The following CADM2 variants were observed in gnomAD, a reference collection of about 807,000 sequenced individuals.
CADM2 encodes the protein immunoglobulin superfamily member 4D.
In CADM2, 12 loss-of-function variants were observed where a neutral mutation model predicts 49.8. That is an observed-to-expected ratio of 0.24 (90% CI 0.15 to 0.39). The LOEUF is 0.39. Among genes scored for constraint, CADM2 ranks in the 10% least tolerant of loss-of-function variants. The pLI, the probability that CADM2 is intolerant of heterozygous loss-of-function variation, is 1.00. For missense variants in CADM2, 378 were observed against 492.3 expected (o/e 0.77, Z 2.20); for synonymous variants, 214 against 175.4 (o/e 1.22, Z -1.74).
chr3:85,295,604 T>C (rs2043937608), intron 1 of CADM2, among the ~76,000 whole-genome samples: 1 of 152,052 alleles, frequency 6.6e-6, no homozygotes, highest in South Asian at 2.1e-4. Flanking sequence ...CGGAATACTA[T>C]GCAGCCATAA....
intron 1 of CADM2, among the ~76,000 whole-genome samples, chr3:85,514,881 A>G (rs1385978173): frequency 1.3e-5 from 2 of 152,158 alleles, no homozygotes; most frequent in African/African-American, 4.8e-5. Context: ...TTCATCCAGC[A>G]TAGACATGAT....
chr3:85,282,267 C>T (rs866356497), intron 1 of CADM2, among the ~76,000 whole-genome samples: 83 of 113,400 alleles, frequency 7.3e-4, no homozygotes, highest in African/African-American at 1.8e-3. Context: ...TTTTTTTTTG[C>T]CTTTTTTTTT....
intron 6 of CADM2, among the ~76,000 whole-genome samples, chr3:85,929,474 T>C (rs1311233487): frequency 1.3e-5 from 2 of 152,026 alleles, no homozygotes; most frequent in South Asian, 2.1e-4. Flanking sequence ...GTTTGGATGA[T>C]GCACTATTTA....
chr3:85,110,233 G>A (rs1039887450), intron 1 of CADM2, among the ~76,000 whole-genome samples: 2 of 151,670 alleles, frequency 1.3e-5, no homozygotes, highest in Admixed American at 6.6e-5. Flanking sequence ...AGGTCTATTC[G>A]TATAGATAAG....
chr3:85,039,143 A>C (rs1307696967), intron 1 of CADM2, among the ~76,000 whole-genome samples: 1 of 152,110 alleles, frequency 6.6e-6, no homozygotes, highest in Non-Finnish European at 1.5e-5. Flanking sequence ...CTGGGATTAG[A>C]GGTACCCGCA....
rs117479452 is a variant in CADM2, at chr3:85,788,475, T to C, written c.89-13572T>C. ...ACTTTATTTAGTGCACCAATGCAATTATTTTAATTTTTTACAGAGAAGAAT... is the reference window on the plus strand; with the variant it reads ...ACTTTATTTAGTGCACCAATGCAATCATTTTAATTTTTTACAGAGAAGAAT... On this transcript the variant is annotated intron_variant, in intron 2 of 9. Coordinates refer to ENST00000383699, the MANE Select transcript of CADM2 (RefSeq NM_001167675.2). Among the ~76,000 whole-genome samples the C allele has an allele frequency of 1.3e-4, 19 of 150,732 alleles. No individual in the cohort carries two copies. In the East Asian group the frequency reaches 2.3e-3, roughly 18 times the overall value.
At chr3:85,791,052 C>G (rs746220795) in intron 2 of CADM2, among the ~76,000 whole-genome samples, 2 of 152,110 alleles carry the variant, frequency 1.3e-5, no homozygotes, top group Non-Finnish European at 2.9e-5. Flanking sequence ...GTCTTTCAGA[C>G]AAACCTAAAA....
chr3:85,470,353 G>T (rs1204357501), intron 1 of CADM2, among the ~76,000 whole-genome samples: 2 of 152,156 alleles, frequency 1.3e-5, no homozygotes, highest in Non-Finnish European at 2.9e-5. Context: ...AAAAAGACAG[G>T]ATGTTGGGAT....
At chr3:85,622,919 G>T (rs1158981297) in intron 1 of CADM2, among the ~76,000 whole-genome samples, 1 of 152,096 alleles carries the variant, frequency 6.6e-6, no homozygotes, top group Non-Finnish European at 1.5e-5. Flanking sequence ...TTTAGGCTAT[G>T]GTTTGGGATC....
chr3:85,030,265 A>T (rs1488129840), intron 1 of CADM2, among the ~76,000 whole-genome samples: 1 of 152,124 alleles, frequency 6.6e-6, no homozygotes, highest in African/African-American at 2.4e-5. Flanking sequence ...TTCTTTTGTT[A>T]TGTAACCTAG....
intron 7 of CADM2, among the ~76,000 whole-genome samples, chr3:85,949,850 T>G (rs1225356177): frequency 6.6e-6 from 1 of 151,054 alleles, no homozygotes; most frequent in Non-Finnish European, 1.5e-5. Flanking sequence ...AAGTAATGGG[T>G]TGTAAAATTA....
chr3:86,037,496 GAC>G (rs1363449204), intron 8 of CADM2, among the ~76,000 whole-genome samples: 1 of 152,072 alleles, frequency 6.6e-6, no homozygotes, highest in Admixed American at 6.6e-5. Flanking sequence ...TAGAATTATG[GAC>G]ACATTTTCTT....
At chr3:85,755,414 C>T (rs1471420286) in intron 2 of CADM2, among the ~76,000 whole-genome samples, 1 of 151,740 alleles carries the variant, frequency 6.6e-6, no homozygotes, top group Non-Finnish European at 1.5e-5. Context: ...CCTCTCCAGA[C>T]ATGCCACCCT....
intron 1 of CADM2, among the ~76,000 whole-genome samples, chr3:85,525,496 A>C (rs893782699): frequency 6.6e-6 from 1 of 152,130 alleles, no homozygotes; most frequent in Admixed American, 6.5e-5. Context: ...TATTAGTGGT[A>C]GTGTGCTGTG....
At position 86,049,979 on chromosome 3, in the gene CADM2, A is replaced by T. The variant is rs551397165; in HGVS notation, c.971-15626A>T. ...CCCTCTCACATTGCAAAATACAATCATGCTTTTCCAGAAGTCCCCCAAACT... is the reference window on the plus strand; with the variant it reads ...CCCTCTCACATTGCAAAATACAATCTTGCTTTTCCAGAAGTCCCCCAAACT... On this transcript the variant is annotated intron_variant, in intron 8 of 9. Coordinates refer to ENST00000383699, the MANE Select transcript of CADM2 (RefSeq NM_001167675.2). 4.0e-3 allele frequency among the ~76,000 whole-genome samples: 603 copies of T among 152,256 alleles called. 5 individuals are homozygous for T. The highest frequency in any genetic ancestry group is 6.8e-3 in the Middle Eastern group (2 of 292).
chr3:85,586,410 G>A (rs1327459892), intron 1 of CADM2, among the ~76,000 whole-genome samples: 3 of 151,890 alleles, frequency 2.0e-5, no homozygotes, highest in South Asian at 2.1e-4. Flanking sequence ...AAACTCTAAC[G>A]TACCTATTTC....
chr3:85,717,159 C>G (rs2067323271), intron 1 of CADM2, among the ~76,000 whole-genome samples: 1 of 151,834 alleles, frequency 6.6e-6, no homozygotes, highest in Admixed American at 6.6e-5. Flanking sequence ...GTTTGTTTCC[C>G]CTCTTATTTC....
chr3:85,317,535 A>G (rs951607917), intron 1 of CADM2, among the ~76,000 whole-genome samples: 6 of 152,246 alleles, frequency 3.9e-5, no homozygotes. Flanking sequence ...GGGAAGTCCA[A>G]GATCAAGGCA....
At chr3:86,005,382 T>G (rs1730657047) in intron 8 of CADM2, among the ~76,000 whole-genome samples, 1 of 151,960 alleles carries the variant, frequency 6.6e-6, no homozygotes, top group Non-Finnish European at 1.5e-5. Context: ...GAAACCCCAT[T>G]CCTATTAAAA....
Sources: gnomAD v4.1 joint callset for allele counts (sites outside exome capture counted in the v4.1 genomes callset) on GRCh38, gnomAD v4.1.1 for gene constraint, MANE v1.5 for transcripts, NCBI Gene and HGNC (gene_info 2026-07-23, HGNC 2026-07-21) for gene names.